The following FYN variants were observed in gnomAD, a reference collection of about 807,000 sequenced individuals.
The protein encoded by FYN is FYN proto-oncogene, Src family tyrosine kinase.
A neutral mutation model predicts 70.2 loss-of-function variants in FYN; 10 were observed. The ratio of observed to expected loss-of-function variants is 0.14; its 90% CI spans 0.09 to 0.24. The LOEUF (loss-of-function observed/expected upper bound fraction) is 0.24, where lower values mean the gene tolerates loss of function less well. Ranked by LOEUF, FYN falls within the 10% of genes least tolerant of loss-of-function variation. FYN has a pLI of 1.00. For missense variants in FYN, 319 were observed against 673.1 expected (o/e 0.47, Z 5.82); for synonymous variants, 236 against 248.6 (o/e 0.95, Z 0.48).
chr6:111,664,082 A>G (rs1797889950), intron 13 of FYN, among the ~76,000 whole-genome samples: 1 of 152,224 alleles, frequency 6.6e-6, no homozygotes, highest in East Asian at 1.9e-4. Context: ...ATTTCTTCAT[A>G]CATATTGCCC....
intron 2 of FYN, among the ~76,000 whole-genome samples, chr6:111,822,232 A>C (rs2114369586): frequency 6.6e-6 from 1 of 152,376 alleles, no homozygotes; most frequent in South Asian, 2.1e-4. Flanking sequence ...AACCAACCCA[A>C]ATGTCCATCA....
At chr6:111,801,035 C>T (rs1440433852) in intron 2 of FYN, among the ~76,000 whole-genome samples, 1 of 152,168 alleles carries the variant, frequency 6.6e-6, no homozygotes, top group East Asian at 1.9e-4. Context: ...GTAGAAGGAC[C>T]TCTGCCAACA....
rs796187459 is a variant in FYN at position 111,843,623 on chromosome 6, G to T, written c.-82+2966C>A. Among the ~76,000 whole-genome samples, 24 of 152,168 alleles carry T rather than the reference G, an allele frequency of 1.6e-4. No homozygotes were observed. The South Asian group carries it at 5.0e-3, about 32-fold the overall frequency. On this transcript the variant is annotated intron_variant, in intron 2 of 13. Transcript: ENST00000354650. Reference sequence around the variant, plus strand: ...CTGCTTGAAACTTTGTACTTTTGGGGAGCAAGTCAAGGAATGATGGTCTTA... The same window carrying T: ...CTGCTTGAAACTTTGTACTTTTGGGTAGCAAGTCAAGGAATGATGGTCTTA...
intron 2 of FYN, among the ~76,000 whole-genome samples, chr6:111,835,256 T>C (rs146428980): frequency 1.3e-5 from 2 of 152,334 alleles, no homozygotes; most frequent in African/African-American, 4.8e-5. Context: ...ATCTAGGTAA[T>C]TTGGTTTTTC....
chr6:111,872,428 T>G (rs1774305381), intron 1 of FYN, among the ~76,000 whole-genome samples: 15 of 135,014 alleles, frequency 1.1e-4, no homozygotes, highest in South Asian at 2.4e-4. Flanking sequence ...ACAGGAAGAG[T>G]GAAGGGGAGG....
At chr6:111,678,108 A>ATGTGTG (rs57015847) in intron 12 of FYN, among the ~76,000 whole-genome samples, 2,313 of 93,918 alleles carry the variant, frequency 0.025, 41 homozygotes, top group East Asian at 0.061. Flanking sequence ...AGGCCATAAT[A>ATGTGTG]TGTGTGTGTG....
At chr6:111,864,839 C>A (rs1480863823) in intron 1 of FYN, among the ~76,000 whole-genome samples, 1 of 152,140 alleles carries the variant, frequency 6.6e-6, no homozygotes, top group Non-Finnish European at 1.5e-5. Context: ...GCTGTGTGAC[C>A]ATGAGCCATT....
intron 3 of FYN, among the ~76,000 whole-genome samples, chr6:111,769,817 A>G (rs981347644): frequency 1.3e-5 from 2 of 152,220 alleles, no homozygotes; most frequent in Non-Finnish European, 2.9e-5. Context: ...GCTGTGGAGA[A>G]GTTTAAAAGT....
At chr6:111,721,237 C>G (rs779214022) in intron 3 of FYN, among the ~76,000 whole-genome samples, 15 of 152,242 alleles carry the variant, frequency 9.9e-5, no homozygotes, top group African/African-American at 3.1e-4. Flanking sequence ...CTTCTGGCAC[C>G]CTTGGCGCCA....
intron 1 of FYN, among the ~76,000 whole-genome samples, chr6:111,858,666 T>C (rs1341850463): frequency 6.6e-6 from 1 of 152,124 alleles, no homozygotes; most frequent in Non-Finnish European, 1.5e-5. Context: ...GTTGACCATG[T>C]TCTGTCCTCC....
intron 3 of FYN, among the ~76,000 whole-genome samples, chr6:111,755,571 C>T (rs1054296123): frequency 1.3e-5 from 2 of 152,158 alleles, no homozygotes; most frequent in African/African-American, 4.8e-5. Flanking sequence ...GGAGAATATG[C>T]ACTAAAGAAA....
At chr6:111,744,487 A>G (rs1399472372) in intron 3 of FYN, among the ~76,000 whole-genome samples, 2 of 152,242 alleles carry the variant, frequency 1.3e-5, no homozygotes, top group Non-Finnish European at 2.9e-5. Flanking sequence ...GAGGGCACTC[A>G]GCTGGAAAGA....
In FYN at chr6:111,674,557, C is replaced by T. The variant is rs367543106; in HGVS notation, c.1347G>A (p.Val449=). The part of the protein sequence containing the change: ...LYGRFTIKSD[V]WSFGILLTEL... ...CTGTGAGTAAGATTCCAAAAGACCA[C>T]ACGTCAGACTTGATTGTGAACCTCC... is the stretch of plus-strand genomic sequence containing the variant. The change falls in exon 13 of 14, where the codon GTG becomes GTA. Residue 449 remains valine, a synonymous_variant. Transcript: ENST00000354650. The T allele has an allele frequency of 2.5e-6, 4 of 1,613,962 alleles. No individual in the cohort carries two copies. The highest frequency in any genetic ancestry group is 3.4e-6 in the Non-Finnish European group (4 of 1,179,972).
rs931514723 is a variant in FYN at position 111,662,075 on chromosome 6, C to G, written c.1406-128G>C. The G allele has an allele frequency of 7.1e-6, 5 of 704,228 alleles. No homozygotes were observed. The Admixed American group carries it at 1.5e-4, about 21-fold the overall frequency. 43.6% of individuals were successfully genotyped at this position (704,228 alleles called of 1,614,324 possible). A position where few individuals can be genotyped will look rare whatever the true frequency, so the allele number is the denominator to read the frequency against. The stretch of plus-strand genomic sequence containing the variant: ...AAACATGCGGAGTACTCCCATCCCC[C>G]CAGGAGTCAAACCCTGCCATGCTAC... On this transcript the variant is annotated intron_variant, in intron 13 of 13. Coordinates refer to ENST00000354650, the MANE Select transcript of FYN (RefSeq NM_002037.5).
intron 9 of FYN, among the ~76,000 whole-genome samples, chr6:111,697,669 A>G (rs1799632931): frequency 6.6e-6 from 1 of 152,242 alleles, no homozygotes; most frequent in Non-Finnish European, 1.5e-5. Flanking sequence ...AAGAGTCAGC[A>G]CCCAAAATTC....
chr6:111,787,669 C>T (rs1562521333), intron 2 of FYN, among the ~76,000 whole-genome samples: 1 of 152,204 alleles, frequency 6.6e-6, no homozygotes, highest in African/African-American at 2.4e-5. Flanking sequence ...ATTAATGGGT[C>T]TCACGCATAT....
chr6:111,805,389 A>G (rs888514569), intron 2 of FYN, among the ~76,000 whole-genome samples: 4 of 152,224 alleles, frequency 2.6e-5, no homozygotes, highest in Non-Finnish European at 4.4e-5. Context: ...ATTAAAAATT[A>G]TACATCGTTT....
chr6:111,872,751 G>A (rs1205084928), intron 1 of FYN, among the ~76,000 whole-genome samples: 3 of 151,824 alleles, frequency 2.0e-5, no homozygotes, highest in Non-Finnish European at 4.4e-5. Flanking sequence ...CCATCCCCGC[G>A]CTGCCTCGGG....
At chr6:111,676,882 T>A (rs1798548256) in intron 12 of FYN, among the ~76,000 whole-genome samples, 1 of 152,202 alleles carries the variant, frequency 6.6e-6, no homozygotes, top group African/African-American at 2.4e-5. Flanking sequence ...TGTTAGATTT[T>A]CCAAGGGATT....
Sources: gnomAD v4.1 joint callset for allele counts (sites outside exome capture counted in the v4.1 genomes callset) on GRCh38, gnomAD v4.1.1 for gene constraint, MANE v1.5 for transcripts, NCBI Gene and HGNC (gene_info 2026-07-23, HGNC 2026-07-21) for gene names.